BRDT: variants seen among roughly 807,000 people sequenced by gnomAD.
BRDT encodes the protein bromodomain testis-specific protein.
Under a neutral mutation model 113.9 loss-of-function variants are expected in BRDT, and 77 were observed. The observed-to-expected ratio is 0.68, with a 90% CI of 0.56 to 0.82. BRDT has a LOEUF of 0.82. Among genes scored for constraint, BRDT ranks in the 40% least tolerant of loss-of-function variants. BRDT has a pLI of 0.00. For missense variants in BRDT, 1,027 were observed against 1,105.4 expected, an observed-to-expected ratio of 0.93 and a Z score of 1.01; for synonymous variants, 358 against 366.5, an observed-to-expected ratio of 0.98 and a Z score of 0.26.
chr1:91,958,124 C>G (rs7526768), intron 1 of BRDT, among the ~76,000 whole-genome samples: 1 of 151,798 alleles, frequency 6.6e-6, no homozygotes, highest in African/African-American at 2.4e-5. Context: ...ATTACAGGCG[C>G]GAGCCGCCAT....
Position 91,985,641 on chromosome 1 carries a change from T to TA in BRDT, c.2002+3886_2002+3887insA, listed in dbSNP as rs1685147116. ...GACAGAGCTTTAATTAGTTTTGCTT[T>TA]TTTTTTTTTTTTTTTTGAGACGGAG... On this transcript the variant is annotated intron_variant, in intron 12 of 18. Coordinates refer to ENST00000399546, the MANE Select transcript of BRDT (RefSeq NM_207189.4). Among the ~76,000 whole-genome samples the TA allele has an allele frequency of 7.8e-5, 11 of 140,420 alleles. No individual in the cohort carries two copies. In the South Asian group the frequency reaches 2.5e-3, roughly 33 times the overall value. 92.1% of individuals were successfully genotyped at this position (140,420 alleles called of 152,430 possible).
At chr1:91,974,392 A>C (rs1234155148) in intron 4 of BRDT, among the ~76,000 whole-genome samples, 1 of 152,242 alleles carries the variant, frequency 6.6e-6, no homozygotes, top group African/African-American at 2.4e-5. Context: ...CTCATCTGAC[A>C]AAGGGCTAAT....
chr1:91,959,973 C>G (rs1416963706), intron 1 of BRDT, among the ~76,000 whole-genome samples: 1 of 152,142 alleles, frequency 6.6e-6, no homozygotes, highest in Non-Finnish European at 1.5e-5. Context: ...AGATTGGGAC[C>G]TGAGCATTGG....
chr1:91,963,922 A>G (rs1682778460), intron 2 of BRDT, among the ~76,000 whole-genome samples: 1 of 150,998 alleles, frequency 6.6e-6, no homozygotes, highest in African/African-American at 2.4e-5. Context: ...CCCAGACTAC[A>G]GTGGAGTGGC....
intron 12 of BRDT, among the ~76,000 whole-genome samples, chr1:91,987,484 C>T (rs1022466963): frequency 1.3e-5 from 2 of 151,800 alleles, no homozygotes; most frequent in Non-Finnish European, 2.9e-5. Context: ...CAGGTGCACA[C>T]CACCATCCCC....
intron 1 of BRDT, among the ~76,000 whole-genome samples, chr1:91,961,758 TTC>T (rs1682471931): frequency 6.6e-6 from 1 of 152,196 alleles, no homozygotes; most frequent in South Asian, 2.1e-4. Flanking sequence ...ATCTTTAACA[TTC>T]TCTGTTATTT....
chr1:91,985,446 C>T (rs1315078968), intron 12 of BRDT, among the ~76,000 whole-genome samples: 2 of 152,018 alleles, frequency 1.3e-5, no homozygotes, highest in African/African-American at 2.4e-5. Flanking sequence ...CTGCACACCT[C>T]GGCCTCCCAA....
chr1:91,977,171 G>C lies in BRDT; in HGVS notation c.747G>C (p.Met249Ile). ...SVALPPIKEN[M>I]PKNVLPDSQQ... ...CACTGCCACCTATAAAAGAAAATAT[G>C]CCAAAGAATGTTTTGCCAGATTCTC... Residue 249 changes from methionine (M) to isoleucine (I), a missense_variant, in exon 6 of 19, where the codon ATG becomes ATC. Physicochemically the swap from Met to Ile is conservative, Grantham distance 10 (BLOSUM62 1). Transcript: ENST00000399546. 1.2e-6 allele frequency: 2 copies of C among 1,613,990 alleles called. No individual in the cohort carries two copies. Among genetic ancestry groups the C allele is most frequent in the African/African-American group, 2.7e-5 (2 of 75,054 alleles).
intron 15 of BRDT, among the ~76,000 whole-genome samples, chr1:91,998,502 A>C (rs536272783): frequency 6.6e-6 from 1 of 152,176 alleles, no homozygotes; most frequent in African/African-American, 2.4e-5. Context: ...TAATAAAAAA[A>C]TTTTTTTAAA....
At chr1:91,983,903 A>T (rs1684959378) in intron 12 of BRDT, among the ~76,000 whole-genome samples, 1 of 151,988 alleles carries the variant, frequency 6.6e-6, no homozygotes, top group Non-Finnish European at 1.5e-5. Flanking sequence ...GCTGGTCTTG[A>T]ACTCCTGACC....
chr1:92,007,330 C>T (rs1036104608), intron 18 of BRDT, among the ~76,000 whole-genome samples: 16 of 152,070 alleles, frequency 1.1e-4, no homozygotes. Context: ...ATTATTTCTT[C>T]ACCCAGGTAT....
intron 8 of BRDT, 123 bp from the exon 9 acceptor site, chr1:91,980,516 TGAAG>T (rs1253083500): frequency 1.2e-6 from 1 of 814,040 alleles, no homozygotes; most frequent in African/African-American, 1.8e-5. Context: ...AATAAAAACT[TGAAG>T]GAAATGTAAT....
At chr1:92,001,471 A>G (rs1013755235) in intron 15 of BRDT, among the ~76,000 whole-genome samples, 1 of 152,130 alleles carries the variant, frequency 6.6e-6, no homozygotes, top group Non-Finnish European at 1.5e-5. Context: ...TGAGGCGGGC[A>G]GATCACTGAA....
chr1:91,998,652 T>G (rs1021811614), intron 15 of BRDT, among the ~76,000 whole-genome samples: 6 of 152,176 alleles, frequency 3.9e-5, no homozygotes, highest in Admixed American at 6.5e-5. Flanking sequence ...GTAAAAATAA[T>G]GTGCCCTGAA....
intron 12 of BRDT, 122 bp downstream of exon 12, chr1:91,981,877 A>G (rs891278074): frequency 2.7e-5 from 34 of 1,242,346 alleles, no homozygotes; most frequent in African/African-American, 6.1e-5. Flanking sequence ...TATCATGCTA[A>G]TTATTTAATT....
At chr1:91,996,982 AG>A (rs1686404529) in intron 15 of BRDT, among the ~76,000 whole-genome samples, 1 of 152,246 alleles carries the variant, frequency 6.6e-6, no homozygotes, top group Admixed American at 6.5e-5. Flanking sequence ...TCTGCAGAGC[AG>A]GAAGAGAAAA....
intron 13 of BRDT, among the ~76,000 whole-genome samples, chr1:91,991,763 C>T (rs189874832): frequency 2.6e-5 from 4 of 152,160 alleles, no homozygotes; most frequent in African/African-American, 4.8e-5. Context: ...GAGGCCGAGG[C>T]GGGCAGATCA....
Position 91,977,332 on chromosome 1 carries a change from C to T in BRDT, c.908C>T (p.Ala303Val), listed in dbSNP as rs145740401. The change falls in exon 6 of 19, where the codon GCT becomes GTT. Residue 303 changes from alanine to valine, a missense_variant. Transcript: ENST00000399546. ...TTTTATAATCCTGTTGACGTTAATG[C>T]TTTGGGACTCCATAACTACTATGAC... ...WPFYNPVDVN[A>V]LGLHNYYDVV... 4.3e-6 allele frequency: 7 copies of T among 1,613,528 alleles called. No individual in the cohort carries two copies. The highest frequency in any genetic ancestry group is 5.9e-6 in the Non-Finnish European group (7 of 1,179,854).
At chr1:91,954,269 G>A (rs571816853) in intron 1 of BRDT, among the ~76,000 whole-genome samples, 9 of 133,282 alleles carry the variant, frequency 6.8e-5, no homozygotes, top group African/African-American at 2.2e-4. Context: ...ACGGTGCTCG[G>A]CATTTTTTTT....
Sources: allele counts gnomAD v4.1 joint callset (sites outside exome capture counted in the v4.1 genomes callset), GRCh38; gene constraint gnomAD v4.1.1; transcripts MANE v1.5; gene names NCBI Gene and HGNC (gene_info 2026-07-23, HGNC 2026-07-21).